FILIP1L: variants seen among roughly 807,000 people sequenced by gnomAD.
FILIP1L encodes filamin A-interacting protein 1-like.
In FILIP1L, 55 loss-of-function variants were observed where a neutral mutation model predicts 96.6. The ratio of observed to expected loss-of-function variants is 0.57; its 90% CI spans 0.46 to 0.71. The LOEUF (loss-of-function observed/expected upper bound fraction) is 0.71. Among genes scored for constraint, FILIP1L ranks in the 30% least tolerant of loss-of-function variants. The probability of loss-of-function intolerance (pLI) is 0.00; values close to 1 mark genes in which losing one functional copy is unlikely to be tolerated. For synonymous variants in FILIP1L, 467 were observed against 473.9 expected (o/e 0.99, Z 0.19); for missense variants, 1,304 against 1,321.2 (o/e 0.99, Z 0.20).
intron 1 of FILIP1L, among the ~76,000 whole-genome samples, chr3:100,060,346 C>A (rs924819614): frequency 1.3e-5 from 2 of 152,170 alleles, no homozygotes; most frequent in Non-Finnish European, 1.5e-5. Flanking sequence ...CCTCTTCCAT[C>A]CCTTTATACC....
chr3:99,858,215 C>T (rs1300418834), intron 4 of FILIP1L, among the ~76,000 whole-genome samples: 1 of 152,128 alleles, frequency 6.6e-6, no homozygotes, highest in East Asian at 1.9e-4. Flanking sequence ...CCTATAATCC[C>T]AGCACTTTGG....
intron 1 of FILIP1L, among the ~76,000 whole-genome samples, chr3:100,070,130 C>T (rs1231881616): frequency 6.6e-6 from 1 of 152,184 alleles, no homozygotes; most frequent in Non-Finnish European, 1.5e-5. Context: ...TACCAAACAG[C>T]TAACATGAAG....
chr3:99,903,502 G>A (rs181682802), intron 4 of FILIP1L, among the ~76,000 whole-genome samples: 2 of 152,026 alleles, frequency 1.3e-5, no homozygotes, highest in Non-Finnish European at 2.9e-5. Flanking sequence ...CACCTGCCTC[G>A]GCCTCCCAAA....
chr3:99,876,225 C>T, intron 4 of FILIP1L: 1 of 985,384 alleles, frequency 1.0e-6, no homozygotes, highest in Middle Eastern at 5.2e-4. Flanking sequence ...ACTGTTCTGC[C>T]TTATAAGGCG....
chr3:99,862,474 G>C (rs931453465), intron 4 of FILIP1L, among the ~76,000 whole-genome samples: 1 of 151,036 alleles, frequency 6.6e-6, no homozygotes, highest in Non-Finnish European at 1.5e-5. Context: ...TTTTAGGTCA[G>C]AGTTTCTCAG....
intron 4 of FILIP1L, among the ~76,000 whole-genome samples, chr3:99,875,696 C>G (rs187374220): frequency 2.0e-5 from 3 of 152,230 alleles, no homozygotes; most frequent in African/African-American, 7.2e-5. Context: ...GTAAGACAAG[C>G]GAGTTTGAGT....
chr3:100,034,529 A>C lies in FILIP1L; in HGVS notation c.-11+79524T>G, dbSNP rs1378697093. On this transcript the variant is annotated intron_variant, in intron 1 of 5. Transcript: ENST00000477258. ...CCAAAAGGTTCTTTGTGTTGCCTAA[A>C]TAATAGAGGAAATTATTTGGGGCCT... 3.3e-5 allele frequency among the ~76,000 whole-genome samples: 5 copies of C among 152,344 alleles called. No homozygotes were observed. The East Asian group carries it at 9.6e-4, about 29-fold the overall frequency.
chr3:99,968,371 T>C (rs1268282846), intron 1 of FILIP1L, among the ~76,000 whole-genome samples: 1 of 152,018 alleles, frequency 6.6e-6, no homozygotes, highest in Non-Finnish European at 1.5e-5. Context: ...TGTTTTGCTG[T>C]CTTGTTTACT....
At chr3:99,994,927 T>C (rs1218950793) in intron 1 of FILIP1L, among the ~76,000 whole-genome samples, 1 of 152,154 alleles carries the variant, frequency 6.6e-6, no homozygotes, top group Non-Finnish European at 1.5e-5. Flanking sequence ...ATGGGAATTA[T>C]GGGAGTACAA....
rs1047686347 is a variant in FILIP1L, at chr3:99,830,740, A to T, written c.3382-135T>A. On this transcript the variant is annotated intron_variant, in intron 5 of 5. Transcript: ENST00000477258. ...TTTCTGGGGATGTATCAGATCAAAG[A>T]TCGTCAGGTTGAAGAAAAGAATGTC... 6 of 380,676 alleles carry T rather than the reference A, an allele frequency of 1.6e-5. No homozygotes were observed. In the Admixed American group the frequency reaches 1.9e-4, roughly 12 times the overall value. The allele number at this position is 380,676 out of a possible 1,614,324, so 23.6% of individuals were successfully genotyped here.
At chr3:100,056,787 G>A (rs749989546) in intron 1 of FILIP1L, among the ~76,000 whole-genome samples, 5 of 151,040 alleles carry the variant, frequency 3.3e-5, no homozygotes, top group African/African-American at 4.9e-5. Context: ...GGCGGATCAC[G>A]AGGTCAGGAG....
intron 1 of FILIP1L, among the ~76,000 whole-genome samples, chr3:100,065,971 GA>G (rs1224083794): frequency 5.9e-5 from 9 of 152,196 alleles, no homozygotes; most frequent in Non-Finnish European, 2.9e-5. Context: ...TTCTGAATCA[GA>G]AACTCTGGGA....
chr3:99,943,564 C>T (rs931934171), intron 1 of FILIP1L, among the ~76,000 whole-genome samples: 1 of 151,976 alleles, frequency 6.6e-6, no homozygotes. Context: ...ATTAGCCGGG[C>T]GTGGTGGCAT....
intron 2 of FILIP1L, 150 bp downstream of exon 2, chr3:99,930,619 A>G: frequency 1.3e-6 from 1 of 773,976 alleles, no homozygotes; most frequent in Non-Finnish European, 2.0e-6. Context: ...GAGTTGGCAG[A>G]GGAGAATTCT....
intron 1 of FILIP1L, among the ~76,000 whole-genome samples, chr3:99,962,645 A>T (rs572532197): frequency 2.0e-5 from 3 of 152,340 alleles, no homozygotes; most frequent in Admixed American, 2.0e-4. Context: ...CAACAGCAAC[A>T]AACACATATA....
At chr3:99,912,800 T>C (rs1706833929) in intron 4 of FILIP1L, among the ~76,000 whole-genome samples, 1 of 152,222 alleles carries the variant, frequency 6.6e-6, no homozygotes, top group African/African-American at 2.4e-5. Flanking sequence ...TCATGAATAA[T>C]GCTGCTGTGA....
intron 1 of FILIP1L, among the ~76,000 whole-genome samples, chr3:100,009,659 G>T (rs9832186): frequency 1.1e-4 from 16 of 152,076 alleles, no homozygotes; most frequent in South Asian, 2.1e-4. Flanking sequence ...AAGTGTTAAG[G>T]GGAAAGAAAG....
At chr3:99,983,375 A>AAAATAAAT (rs201845792) in intron 1 of FILIP1L, among the ~76,000 whole-genome samples, 1 of 51,254 alleles carries the variant, frequency 2.0e-5, no homozygotes, top group African/African-American at 6.5e-5. Flanking sequence ...CTCTACTTAA[A>AAAATAAAT]AAATAAATAA....
intron 1 of FILIP1L, among the ~76,000 whole-genome samples, chr3:100,028,560 A>G: frequency 6.6e-6 from 1 of 152,180 alleles, no homozygotes. Flanking sequence ...ATTACTAATT[A>G]CAAAATTTTT....
Sources: gnomAD v4.1 joint callset for allele counts (sites outside exome capture counted in the v4.1 genomes callset) on GRCh38, gnomAD v4.1.1 for gene constraint, MANE v1.5 for transcripts, NCBI Gene and HGNC (gene_info 2026-07-23, HGNC 2026-07-21) for gene names.